NIPSNAP2: variants seen among roughly 807,000 people sequenced by gnomAD.
NIPSNAP2 encodes the protein protein NipSnap homolog 2.
In NIPSNAP2, 42 loss-of-function variants were observed where a neutral mutation model predicts 48.4. The ratio of observed to expected loss-of-function variants is 0.87; its 90% CI spans 0.68 to 1.12. The LOEUF (loss-of-function observed/expected upper bound fraction) is 1.12, where lower values mean the gene tolerates loss of function less well. Ranked by LOEUF, NIPSNAP2 falls within the 50% of genes most tolerant of loss-of-function variation. NIPSNAP2 has a pLI of 0.00. For missense variants in NIPSNAP2, 314 were observed against 347.3 expected, an observed-to-expected ratio of 0.90 and a Z score of 0.76; for synonymous variants, 158 against 126.6, an observed-to-expected ratio of 1.25 and a Z score of -1.67.
chr7:55,981,400 A>T, intron 3 of NIPSNAP2, 73 bp from the exon 4 acceptor site: 1 of 986,978 alleles, frequency 1.0e-6, no homozygotes, highest in Admixed American at 1.8e-5. Flanking sequence ...TTTTCCTGTT[A>T]CTGATCAGGT....
chr7:55,968,068 G>C (rs1223758503), intron 1 of NIPSNAP2, among the ~76,000 whole-genome samples: 1 of 152,120 alleles, frequency 6.6e-6, no homozygotes, highest in Admixed American at 6.6e-5. Context: ...AGGATTATAG[G>C]TGTGAGCCAT....
In NIPSNAP2 at chr7:55,983,744, G is replaced by A. The variant is rs1157526080; in HGVS notation, c.461G>A (p.Arg154His). 5.6e-6 allele frequency: 9 copies of A among 1,612,850 alleles called. No individual in the cohort carries two copies. Among genetic ancestry groups the A allele is most frequent in the South Asian group, 1.1e-5 (1 of 90,702 alleles). Residue 154 changes from arginine (R) to histidine (H), a missense_variant, in exon 6 of 10, where the codon CGT becomes CAT. By Grantham distance (29) the Arg-to-His change is conservative (BLOSUM62 0). This residue lies in a region of NIPSNAP2 where 198 missense variants were observed against 185.5 expected (regional missense o/e 1.07). Coordinates refer to ENST00000322090, the MANE Select transcript of NIPSNAP2 (RefSeq NM_001483.3). ...LRENKEFLEFRKARSDMLLSR... is the reference protein window; with the variant it reads ...LRENKEFLEFHKARSDMLLSR... ...CACTCAAAGGAATTTTTGGAATTTCGTAAGGCAAGAAGTGACATGCTTCTC... is the reference window on the plus strand; with the variant it reads ...CACTCAAAGGAATTTTTGGAATTTCATAAGGCAAGAAGTGACATGCTTCTC...
intron 7 of NIPSNAP2, among the ~76,000 whole-genome samples, chr7:55,988,223 C>G (rs1365319080): frequency 6.6e-6 from 1 of 152,042 alleles, no homozygotes; most frequent in Non-Finnish European, 1.5e-5. Flanking sequence ...GATTGTGCCA[C>G]TGCACTTCAG....
intron 7 of NIPSNAP2, 63 bp from the exon 8 acceptor site, chr7:55,994,831 C>T (rs1014375365): frequency 1.5e-6 from 2 of 1,365,686 alleles, no homozygotes; most frequent in Admixed American, 1.7e-5. Context: ...AAGGTTTAGT[C>T]TACCGATTCT....
intron 7 of NIPSNAP2, among the ~76,000 whole-genome samples, chr7:55,986,992 A>AAC (rs1562766869): frequency 2.0e-5 from 3 of 147,106 alleles, no homozygotes; most frequent in Non-Finnish European, 4.5e-5. Flanking sequence ...ATAAAAAAAA[A>AAC]AAAAAAAAAA....
At chr7:55,976,260 C>T (rs1787106272) in intron 1 of NIPSNAP2, among the ~76,000 whole-genome samples, 1 of 152,200 alleles carries the variant, frequency 6.6e-6, no homozygotes, top group Non-Finnish European at 1.5e-5. Flanking sequence ...CATCAGTGCA[C>T]ATAAATCTAC....
chr7:55,976,292 A>G (rs778261961), intron 1 of NIPSNAP2, among the ~76,000 whole-genome samples: 2 of 152,210 alleles, frequency 1.3e-5, no homozygotes, highest in Admixed American at 6.5e-5. Context: ...TATCGAGTGC[A>G]TATTTTCTGA....
chr7:55,964,778 G>C (rs561607343), intron 1 of NIPSNAP2, 77 bp downstream of exon 1: 1 of 733,070 alleles, frequency 1.4e-6, no homozygotes, highest in Non-Finnish European at 1.7e-6. Context: ...TCCCGGCGCC[G>C]GTCTCCGCCC....
intron 7 of NIPSNAP2, chr7:55,991,828 G>T (rs1385696316): frequency 3.7e-6 from 1 of 268,628 alleles, no homozygotes; most frequent in Non-Finnish European, 7.5e-6. Context: ...TGGCACATAG[G>T]TAACTAAGAT....
intron 7 of NIPSNAP2, among the ~76,000 whole-genome samples, chr7:55,992,614 C>A (rs1205942938): frequency 6.6e-6 from 1 of 152,212 alleles, no homozygotes; most frequent in African/African-American, 2.4e-5. Context: ...GCCAAGCCAA[C>A]TCAAGCATCT....
At chr7:55,968,022 C>T (rs1786933792) in intron 1 of NIPSNAP2, among the ~76,000 whole-genome samples, 1 of 152,058 alleles carries the variant, frequency 6.6e-6, no homozygotes, top group African/African-American at 2.4e-5. Context: ...CTCCTGGCCT[C>T]AAGCAGTCCT....
chr7:55,967,450 G>C (rs58006921), intron 1 of NIPSNAP2, among the ~76,000 whole-genome samples: 26,442 of 152,078 alleles, frequency 0.17, 2,901 homozygotes, highest in East Asian at 0.34. Context: ...GAACCTGTTA[G>C]TGAAGGGGAT....
intron 1 of NIPSNAP2, among the ~76,000 whole-genome samples, chr7:55,976,455 C>G (rs1381593079): frequency 6.6e-6 from 1 of 152,230 alleles, no homozygotes; most frequent in Non-Finnish European, 1.5e-5. Context: ...TAGGACATAA[C>G]CGCAAGTGTC....
chr7:55,973,942 A>G (rs1435852490), intron 1 of NIPSNAP2, among the ~76,000 whole-genome samples: 3 of 152,160 alleles, frequency 2.0e-5, no homozygotes, highest in Non-Finnish European at 4.4e-5. Context: ...GCAGCAAACT[A>G]GGCTGAGTGC....
chr7:55,966,333 G>A lies in NIPSNAP2; in HGVS notation c.92+1632G>A, dbSNP rs144648946. ...ACGTTTTTCATAATAAAGCCTGGAC[G>A]CAGTGACTCACACTTGTAATCCCTG... On this transcript the variant is annotated intron_variant, in intron 1 of 9. Transcript: ENST00000322090. Among the ~76,000 whole-genome samples the A allele has an allele frequency of 3.0e-3, 463 of 152,216 alleles. 9 individuals are homozygous for A. The highest frequency in any genetic ancestry group is 0.027 in the Admixed American group (419 of 15,256).
intron 7 of NIPSNAP2, among the ~76,000 whole-genome samples, chr7:55,993,736 TC>T (rs1787497256): frequency 6.6e-6 from 1 of 152,012 alleles, no homozygotes; most frequent in Non-Finnish European, 1.5e-5. Flanking sequence ...GAAGACTGTT[TC>T]AAAAAAAATT....
intron 7 of NIPSNAP2, among the ~76,000 whole-genome samples, chr7:55,993,575 TAAA>T (rs11317055): frequency 2.9e-4 from 35 of 121,000 alleles, no homozygotes; most frequent in Non-Finnish European, 2.2e-4. Flanking sequence ...AGACTCCATC[TAAA>T]AAAAAAAAAA....
chr7:55,982,261 A>G lies in NIPSNAP2; in HGVS notation c.425A>G (p.Asn142Ser), dbSNP rs77829445. Residue 142 changes from asparagine to serine, a missense_variant, in exon 5 of 10, where the codon AAT becomes AGT. By Grantham distance (46) the Asn-to-Ser change is conservative. Around this residue, in one of 2 missense-constraint regions of NIPSNAP2, gnomAD observed 198 missense variants for 185.5 expected, o/e 1.07. Transcript: ENST00000322090. ...GGYPALTEVM[N>S]KLRENKEFLE... ...TATCCAGCCCTCACAGAAGTCATGAATAAACTCAGAGAAAATAAGGTAATG... is the reference window on the plus strand; with the variant it reads ...TATCCAGCCCTCACAGAAGTCATGAGTAAACTCAGAGAAAATAAGGTAATG... The G allele has an allele frequency of 6.2e-4, 990 of 1,602,972 alleles. 6 individuals carry two copies. The African/African-American group carries it at 0.01, about 16-fold the overall frequency.
intron 1 of NIPSNAP2, among the ~76,000 whole-genome samples, chr7:55,972,169 G>T (rs1277388634): frequency 1.3e-5 from 2 of 151,938 alleles, no homozygotes; most frequent in Non-Finnish European, 2.9e-5. Context: ...AGATGGGTGT[G>T]GTGGTGGGTG....
Sources: gnomAD v4.1 joint callset for allele counts (sites outside exome capture counted in the v4.1 genomes callset) on GRCh38, gnomAD v4.1.1 for gene constraint, gnomAD v4.1.1 regional missense constraint, MANE v1.5 for transcripts, NCBI Gene and HGNC (gene_info 2026-07-23, HGNC 2026-07-21) for gene names.